TMEM196: variants seen among roughly 807,000 people sequenced by gnomAD.
TMEM196 encodes transmembrane protein 196.
Under a neutral mutation model 20.0 loss-of-function variants are expected in TMEM196, and 17 were observed. The observed-to-expected ratio is 0.85, with a 90% CI of 0.58 to 1.27. The LOEUF (loss-of-function observed/expected upper bound fraction) is 1.27, where lower values mean the gene tolerates loss of function less well. Ranked by LOEUF, TMEM196 falls within the 50% of genes most tolerant of loss-of-function variation. TMEM196 has a pLI of 0.00. For synonymous variants in TMEM196, 113 were observed against 88.9 expected (o/e 1.27, Z -1.52); for missense variants, 267 against 223.0 (o/e 1.20, Z -1.26).
At chr7:19,746,388 T>A (rs1409238061) in intron 1 of TMEM196, among the ~76,000 whole-genome samples, 4 of 152,358 alleles carry the variant, frequency 2.6e-5, no homozygotes, top group African/African-American at 9.6e-5. Context: ...ACTCTCTTTT[T>A]AATTGTAATT....
chr7:19,726,208 A>G (rs1466042899), intron 2 of TMEM196, among the ~76,000 whole-genome samples: 1 of 152,186 alleles, frequency 6.6e-6, no homozygotes, highest in African/African-American at 2.4e-5. Context: ...TGAATGGTCA[A>G]TAGCTAACAC....
intron 1 of TMEM196, among the ~76,000 whole-genome samples, chr7:19,758,846 G>C (rs990323321): frequency 1.8e-4 from 27 of 151,972 alleles, no homozygotes; most frequent in African/African-American, 5.6e-4. Flanking sequence ...ACTCATACTT[G>C]ACTTAGTCAT....
intron 3 of TMEM196, 28 bp downstream of exon 3, chr7:19,725,486 C>G: frequency 6.3e-7 from 1 of 1,586,702 alleles, no homozygotes; most frequent in South Asian, 1.1e-5. Context: ...CATGTGCTAG[C>G]AGTGAGAGGA....
In TMEM196 at chr7:19,772,634, C is replaced by A. The variant is rs770571283; in HGVS notation, c.63G>T (p.Leu21=). 54 of 1,547,548 alleles carry A rather than the reference C, an allele frequency of 3.5e-5. No individual in the cohort carries two copies. In the South Asian group the frequency reaches 5.9e-4, roughly 17 times the overall value. The stretch of plus-strand genomic sequence containing the variant: ...CCCCCACGGCCACGCTGGACACCCC[C>A]AGCCCTATCTCCAGCACGGAGAGCA... ...LLVLSVLEIG[L]GVSSVAVGAV... Residue 21 remains leucine (L), a synonymous_variant, in exon 1 of 5, where the codon CTG becomes CTT. Transcript: ENST00000405844.
chr7:19,728,226 C>T (rs899248658), intron 2 of TMEM196, among the ~76,000 whole-genome samples: 1 of 150,848 alleles, frequency 6.6e-6, no homozygotes, highest in East Asian at 1.9e-4. Context: ...TTTCTCTTTC[C>T]TTTTGTCATG....
chr7:19,750,620 A>G (rs760799259), intron 1 of TMEM196, among the ~76,000 whole-genome samples: 1 of 152,064 alleles, frequency 6.6e-6, no homozygotes, highest in South Asian at 2.1e-4. Context: ...TCTACTCCCA[A>G]ATAGGACAAC....
At chr7:19,772,118 C>T (rs149529228) in intron 1 of TMEM196, among the ~76,000 whole-genome samples, 61 of 152,114 alleles carry the variant, frequency 4.0e-4, no homozygotes, top group African/African-American at 1.5e-3. Context: ...TGCTTGTTCC[C>T]TGATACAAAA....
At chr7:19,731,579 GA>G (rs1784204113) in intron 1 of TMEM196, among the ~76,000 whole-genome samples, 1 of 152,158 alleles carries the variant, frequency 6.6e-6, no homozygotes. Context: ...GAACTCATTC[GA>G]AAAGAATTTG....
chr7:19,744,943 C>T (rs1425939547), intron 1 of TMEM196, among the ~76,000 whole-genome samples: 1 of 152,020 alleles, frequency 6.6e-6, no homozygotes, highest in African/African-American at 2.4e-5. Context: ...ATTTTAATGA[C>T]AATTGAAGCT....
intron 1 of TMEM196, among the ~76,000 whole-genome samples, chr7:19,760,169 A>G (rs1266159057): frequency 6.6e-6 from 1 of 151,930 alleles, no homozygotes; most frequent in Admixed American, 6.6e-5. Flanking sequence ...AAACACACCA[A>G]AGCTTTCCTA....
intron 1 of TMEM196, among the ~76,000 whole-genome samples, chr7:19,763,248 T>A (rs1785500854): frequency 6.6e-6 from 1 of 152,192 alleles, no homozygotes; most frequent in African/African-American, 2.4e-5. Flanking sequence ...ACGAAAGCAG[T>A]TGGATTTCTT....
At chr7:19,729,528 C>A (rs1381835313) in intron 1 of TMEM196, 90 bp from the exon 2 acceptor site, 10 of 1,169,850 alleles carry the variant, frequency 8.5e-6, no homozygotes, top group Admixed American at 7.1e-5. Context: ...ACACTTTCTC[C>A]AGGGAAGATA....
rs1002128725 is a variant in TMEM196, at chr7:19,772,837, A to G, written c.-141T>C. On this transcript the variant is annotated 5_prime_UTR_variant, in exon 1 of 5. Coordinates refer to ENST00000405844, the MANE Select transcript of TMEM196 (RefSeq NM_001363562.2). ...CTTCAAGAGCGAGGCATTATCCACA[A>G]GGGCTGGATTTCCAGAAACGAAGAC... The G allele has an allele frequency of 6.0e-5, 50 of 827,926 alleles. No homozygotes were observed. The highest frequency in any genetic ancestry group is 7.1e-5 in the African/African-American group (4 of 56,612). The allele number at this position is 827,926 out of a possible 1,614,324, so 51.3% of individuals were successfully genotyped here.
Position 19,773,017 on chromosome 7 carries a change from C to T in TMEM196, c.-321G>A, listed in dbSNP as rs1785955850. On this transcript the variant is annotated 5_prime_UTR_variant, in exon 1 of 5. Transcript: ENST00000405844. ...GGAAAACCTGGAGGAGCCCAGGGAG[C>T]TCCGAGCCTTGCTCCCCAGGCGCTG... 2 of 218,316 alleles carry T rather than the reference C, an allele frequency of 9.2e-6. No individual in the cohort carries two copies. Among genetic ancestry groups the T allele is most frequent in the East Asian group, 9.4e-5 (1 of 10,650 alleles). The allele number at this position is 218,316 out of a possible 1,614,324, so 13.5% of individuals were successfully genotyped here.
At chr7:19,764,581 G>C (rs1390189254) in intron 1 of TMEM196, among the ~76,000 whole-genome samples, 1 of 152,094 alleles carries the variant, frequency 6.6e-6, no homozygotes, top group African/African-American at 2.4e-5. Flanking sequence ...TGTCTTCAAG[G>C]CTTAGATGAA....
intron 2 of TMEM196, 122 bp downstream of exon 2, chr7:19,729,256 GTTTT>G (rs11401553): frequency 4.6e-6 from 2 of 435,024 alleles, no homozygotes; most frequent in Non-Finnish European, 3.6e-6. Context: ...TTATTTGTCA[GTTTT>G]TTTTTTTTTT....
chr7:19,748,745 G>T (rs989267971), intron 1 of TMEM196, among the ~76,000 whole-genome samples: 13 of 152,200 alleles, frequency 8.5e-5, no homozygotes, highest in Non-Finnish European at 1.5e-5. Context: ...TAAAAGGCAA[G>T]TGGAAATTTG....
At chr7:19,771,318 A>AATGTTAGG (rs1377338683) in intron 1 of TMEM196, among the ~76,000 whole-genome samples, 4 of 152,196 alleles carry the variant, frequency 2.6e-5, no homozygotes, top group Non-Finnish European at 5.9e-5. Flanking sequence ...GGATGAATTC[A>AATGTTAGG]ATGTTAGGAT....
chr7:19,744,484 A>G (rs1366385623), intron 1 of TMEM196, among the ~76,000 whole-genome samples: 1 of 152,192 alleles, frequency 6.6e-6, no homozygotes, highest in East Asian at 1.9e-4. Flanking sequence ...TGAAATACCC[A>G]CAAAGGTTGC....
Sources: gnomAD v4.1 joint callset for allele counts (sites outside exome capture counted in the v4.1 genomes callset) on GRCh38, gnomAD v4.1.1 for gene constraint, MANE v1.5 for transcripts, NCBI Gene and HGNC (gene_info 2026-07-23, HGNC 2026-07-21) for gene names.